Variants in MTMR7 observed in about 807,000 individuals in gnomAD.
MTMR7 encodes phosphatidylinositol-3-phosphate phosphatase MTMR7.
Under a neutral mutation model 81.2 loss-of-function variants are expected in MTMR7, and 76 were observed. The observed-to-expected ratio is 0.94, with a 90% CI of 0.78 to 1.13. The LOEUF (loss-of-function observed/expected upper bound fraction) is 1.13. Among genes scored for constraint, MTMR7 ranks in the 50% most tolerant of loss-of-function variants. The probability of loss-of-function intolerance (pLI) is 0.00; values close to 1 mark genes in which losing one functional copy is unlikely to be tolerated. For synonymous variants in MTMR7, 372 were observed against 289.8 expected (o/e 1.28, Z -2.88); for missense variants, 1,044 against 820.0 (o/e 1.27, Z -3.34).
chr8:17,350,829 G>A (rs1819707626), intron 4 of MTMR7, among the ~76,000 whole-genome samples: 2 of 152,184 alleles, frequency 1.3e-5, no homozygotes, highest in Admixed American at 1.3e-4. Flanking sequence ...ATGTTCACAG[G>A]CCCAAAGTCT....
chr8:17,362,760 T>C (rs115478251), intron 3 of MTMR7, among the ~76,000 whole-genome samples: 1 of 152,318 alleles, frequency 6.6e-6, no homozygotes, highest in African/African-American at 2.4e-5. Context: ...TAGTATTCAG[T>C]GTGAACAATT....
chr8:17,356,904 C>T (rs7832710), intron 4 of MTMR7, among the ~76,000 whole-genome samples: 54,470 of 151,786 alleles, frequency 0.36, 12,547 homozygotes, highest in East Asian at 0.71. Flanking sequence ...AATATGTCCA[C>T]GCAAACACTT....
intron 2 of MTMR7, among the ~76,000 whole-genome samples, chr8:17,372,153 A>G (rs1820440473): frequency 6.6e-6 from 1 of 152,146 alleles, no homozygotes. Context: ...CTCAGTCTTC[A>G]ATAGCAGCAT....
In MTMR7 at chr8:17,390,654, T is replaced by C. The variant is rs546842519; in HGVS notation, c.25-17414A>G. On this transcript the variant is annotated intron_variant, in intron 1 of 13. Transcript: ENST00000180173. The stretch of plus-strand genomic sequence containing the variant: ...GGGTAATTTATAAAGGAAAGAGGTT[T>C]AATTGACTCACAGTTCTGCATGGCT... 2.6e-5 allele frequency among the ~76,000 whole-genome samples: 4 copies of C among 151,740 alleles called. No homozygotes were observed. In the East Asian group the frequency reaches 7.9e-4, roughly 30 times the overall value.
intron 1 of MTMR7, among the ~76,000 whole-genome samples, chr8:17,375,150 A>G (rs555844274): frequency 3.2e-4 from 48 of 152,274 alleles, no homozygotes; most frequent in African/African-American, 1.1e-3. Flanking sequence ...CAGACTTCCC[A>G]TCTACTCCAA....
At chr8:17,403,762 A>G (rs1821494939) in intron 1 of MTMR7, among the ~76,000 whole-genome samples, 2 of 151,460 alleles carry the variant, frequency 1.3e-5, no homozygotes, top group African/African-American at 4.9e-5. Flanking sequence ...AGCGTTTTAT[A>G]GTTTGCCTTT....
At chr8:17,401,390 C>T (rs1179523244) in intron 1 of MTMR7, among the ~76,000 whole-genome samples, 1 of 151,936 alleles carries the variant, frequency 6.6e-6, no homozygotes, top group African/African-American at 2.4e-5. Context: ...AGTGGTCAAG[C>T]AGTGAGGTCC....
chr8:17,348,493 T>G (rs1395549920), intron 5 of MTMR7, among the ~76,000 whole-genome samples: 1 of 144,450 alleles, frequency 6.9e-6, no homozygotes, highest in African/African-American at 2.6e-5. Context: ...GAGGTTGCAG[T>G]GAGCCGAGAT....
intron 5 of MTMR7, among the ~76,000 whole-genome samples, chr8:17,345,484 G>C (rs1174508078): frequency 6.6e-6 from 1 of 152,214 alleles, no homozygotes; most frequent in Non-Finnish European, 1.5e-5. Context: ...ATGGGCTGTG[G>C]TGTCCTCCTC....
intron 5 of MTMR7, among the ~76,000 whole-genome samples, chr8:17,345,637 T>C (rs937240187): frequency 6.6e-6 from 1 of 152,212 alleles, no homozygotes; most frequent in African/African-American, 2.4e-5. Flanking sequence ...TTAAAAGTAA[T>C]GGCAAAAACT....
rs776755297 is a variant in MTMR7, at chr8:17,302,142, A to C, written c.1620+12T>G. 5.0e-6 allele frequency: 8 copies of C among 1,614,078 alleles called. No homozygotes were observed. In the South Asian group the frequency reaches 8.8e-5, roughly 18 times the overall value. On this transcript the variant is annotated intron_variant, in intron 13 of 13. Transcript: ENST00000180173. ...GCACAGAAAATAGATTAACAAAGCA[A>C]GTATGTCTTACTTCTTCCAGGGCCT...
In MTMR7 at chr8:17,369,897, G is replaced by T. The variant is rs562669052; in HGVS notation, c.310+1140C>A. On this transcript the variant is annotated intron_variant, in intron 3 of 13. Coordinates refer to ENST00000180173, the MANE Select transcript of MTMR7 (RefSeq NM_004686.5). ...CCTGACTTTGCAATCCGCCTGCCTCGGCCTCCCAAAGTGCTGGGATTACAG... is the reference window on the plus strand; with the variant it reads ...CCTGACTTTGCAATCCGCCTGCCTCTGCCTCCCAAAGTGCTGGGATTACAG... Among the ~76,000 whole-genome samples, 4 of 151,872 alleles carry T rather than the reference G, an allele frequency of 2.6e-5. No individual in the cohort carries two copies. The East Asian group carries it at 7.8e-4, about 29-fold the overall frequency.
chr8:17,351,259 A>G (rs975731741), intron 4 of MTMR7, among the ~76,000 whole-genome samples: 10 of 152,224 alleles, frequency 6.6e-5, no homozygotes, highest in African/African-American at 1.9e-4. Flanking sequence ...AACATGCAAG[A>G]TTTGTCAACA....
chr8:17,302,234 G>C lies in MTMR7; in HGVS notation c.1540C>G (p.Arg514Gly), dbSNP rs938400103. The C allele has an allele frequency of 1.2e-6, 2 of 1,613,812 alleles. No individual in the cohort carries two copies. The highest frequency in any genetic ancestry group is 1.3e-5 in the African/African-American group (1 of 74,872). Residue 514 changes from arginine (R) to glycine (G), a missense_variant, in exon 13 of 14, where the codon CGA becomes GGA. Transcript: ENST00000180173. ...ATTAGGTAATCTGTAACTGACTGTC[G>C]GGGCTGCATCCCCTTTTCAAAGCGG... is the stretch of plus-strand genomic sequence containing the variant. ...YNRFEKGMQPRQSVTDYLMAV... is the reference protein window; with the variant it reads ...YNRFEKGMQPGQSVTDYLMAV...
chr8:17,385,471 C>A (rs983341241), intron 1 of MTMR7, among the ~76,000 whole-genome samples: 1 of 152,162 alleles, frequency 6.6e-6, no homozygotes, highest in Non-Finnish European at 1.5e-5. Context: ...GGGAGCTTCC[C>A]TGCATAAGCC....
In MTMR7 at chr8:17,365,908, T is replaced by A. The variant is rs968026529; in HGVS notation, c.311-4634A>T. Among the ~76,000 whole-genome samples, 3 of 152,300 alleles carry A rather than the reference T, an allele frequency of 2.0e-5. No individual in the cohort carries two copies. The South Asian group carries it at 6.2e-4, about 32-fold the overall frequency. On this transcript the variant is annotated intron_variant, in intron 3 of 13. Coordinates refer to ENST00000180173, the MANE Select transcript of MTMR7 (RefSeq NM_004686.5). ...GCTGTTTCTAGGAAGACCAAATCAGTGTTTCAGTTGAAAGCATGAGCTCAA... is the reference window on the plus strand; with the variant it reads ...GCTGTTTCTAGGAAGACCAAATCAGAGTTTCAGTTGAAAGCATGAGCTCAA...
intron 5 of MTMR7, among the ~76,000 whole-genome samples, chr8:17,344,583 C>T (rs908354967): frequency 1.3e-5 from 2 of 152,154 alleles, no homozygotes; most frequent in East Asian, 1.9e-4. Flanking sequence ...TGCACTCCAG[C>T]CTGGGTGACA....
chr8:17,379,960 G>C (rs1264588610), intron 1 of MTMR7, among the ~76,000 whole-genome samples: 1 of 152,150 alleles, frequency 6.6e-6, no homozygotes, highest in African/African-American at 2.4e-5. Flanking sequence ...ATAACGCACT[G>C]AGGGTTTGGA....
intron 3 of MTMR7, among the ~76,000 whole-genome samples, chr8:17,365,566 T>G (rs1563360461): frequency 6.6e-6 from 1 of 152,166 alleles, no homozygotes; most frequent in Non-Finnish European, 1.5e-5. Flanking sequence ...CTTTTGCTGT[T>G]AGTGACCAGC....
Sources: allele counts gnomAD v4.1 joint callset (sites outside exome capture counted in the v4.1 genomes callset), GRCh38; gene constraint gnomAD v4.1.1; transcripts MANE v1.5; gene names NCBI Gene and HGNC (gene_info 2026-07-23, HGNC 2026-07-21).